Variants in IL23R observed in about 807,000 individuals in gnomAD.
IL23R encodes the protein interleukin-23 receptor.
In IL23R, 34 loss-of-function variants were observed where a neutral mutation model predicts 56.9. The ratio of observed to expected loss-of-function variants is 0.60; its 90% CI spans 0.45 to 0.80. The LOEUF is 0.80. Among genes scored for constraint, IL23R ranks in the 30% least tolerant of loss-of-function variants. The pLI is 0.00. For missense variants in IL23R, 635 were observed against 730.0 expected (o/e 0.87, Z 1.50); for synonymous variants, 230 against 249.2 (o/e 0.92, Z 0.73).
Position 67,258,829 on chromosome 1 carries a change from G to A in IL23R, c.1591G>A (p.Ala531Thr), listed in dbSNP as rs112114661. 9.5e-5 allele frequency: 153 copies of A among 1,612,446 alleles called. No homozygotes were observed. Among genetic ancestry groups the A allele is most frequent in the Non-Finnish European group, 1.3e-4 (148 of 1,178,894 alleles). ...NPRLQKHPNFAFSVSSVNSLS... is the reference protein window; with the variant it reads ...NPRLQKHPNFTFSVSSVNSLS... The stretch of plus-strand genomic sequence containing the variant: ...CAGGTTACAAAAGCATCCTAATTTT[G>A]CTTTTTCTGTTTCAAGTGTGAATTC... The change falls in exon 11 of 11, where the codon GCT becomes ACT. Residue 531 changes from alanine to threonine, a missense_variant. By Grantham distance (58) the Ala-to-Thr change is moderately conservative (BLOSUM62 0). Coordinates refer to ENST00000347310, the MANE Select transcript of IL23R (RefSeq NM_144701.3).
chr1:67,212,749 G>A (rs1026726750), intron 6 of IL23R, among the ~76,000 whole-genome samples: 9 of 152,228 alleles, frequency 5.9e-5, no homozygotes, highest in Non-Finnish European at 1.2e-4. Flanking sequence ...GTTGTGTCAT[G>A]TTGCCCAGGC....
At chr1:67,197,312 C>G (rs1648235299) in intron 4 of IL23R, among the ~76,000 whole-genome samples, 1 of 152,072 alleles carries the variant, frequency 6.6e-6, no homozygotes, top group Non-Finnish European at 1.5e-5. Flanking sequence ...TTTAAAAGAG[C>G]AGTTTCAAGG....
At chr1:67,170,784 CA>C (rs1646933462) in intron 3 of IL23R, among the ~76,000 whole-genome samples, 6 of 152,266 alleles carry the variant, frequency 3.9e-5, no homozygotes, top group African/African-American at 1.4e-4. Flanking sequence ...AGCTGGGGGG[CA>C]GACCCATATC....
chr1:67,185,281 T>C (rs1221997003), intron 4 of IL23R, among the ~76,000 whole-genome samples: 2 of 152,230 alleles, frequency 1.3e-5, no homozygotes, highest in Admixed American at 6.5e-5. Context: ...ATAGGTTGCC[T>C]GACTGTCTTC....
At chr1:67,162,485 A>G (rs541890386), upstream of IL23R, among the ~76,000 whole-genome samples, 7 of 152,090 alleles carry the variant, frequency 4.6e-5, no homozygotes, top group African/African-American at 1.7e-4. Context: ...AGAAAAAAAA[A>G]TCCCATTTAT....
At chr1:67,193,262 G>A (rs1423525177) in intron 4 of IL23R, among the ~76,000 whole-genome samples, 1 of 152,018 alleles carries the variant, frequency 6.6e-6, no homozygotes, top group Non-Finnish European at 1.5e-5. Context: ...TCTCAGAACT[G>A]CCTAACCTTT....
intron 1 of IL23R, among the ~76,000 whole-genome samples, chr1:67,160,303 C>T (rs1231632093): frequency 6.6e-6 from 1 of 152,094 alleles, no homozygotes; most frequent in African/African-American, 2.4e-5. Context: ...GTTGTATACA[C>T]CAGCAAAAAA....
chr1:67,148,173 A>G (rs565686102), intron 1 of IL23R, among the ~76,000 whole-genome samples: 3 of 152,380 alleles, frequency 2.0e-5, no homozygotes, highest in African/African-American at 7.2e-5. Flanking sequence ...TCAGAAACGC[A>G]GTGTACACCC....
chr1:67,163,253 G>A (rs1000935245), upstream of IL23R, among the ~76,000 whole-genome samples: 6 of 151,878 alleles, frequency 4.0e-5, no homozygotes, highest in Non-Finnish European at 8.8e-5. Flanking sequence ...CAGATCACTT[G>A]AGATTAGGAG....
intron 3 of IL23R, among the ~76,000 whole-genome samples, chr1:67,172,973 G>C (rs927296570): frequency 1.3e-5 from 2 of 152,126 alleles, no homozygotes; most frequent in Non-Finnish European, 2.9e-5. Flanking sequence ...GGAAATCACG[G>C]ACTGTTTTCA....
At chr1:67,139,210 G>C (rs1482334778) in intron 1 of IL23R, 2 of 152,148 alleles carry the variant, frequency 1.3e-5, no homozygotes, top group Non-Finnish European at 2.9e-5. Context: ...TTCTATAGAA[G>C]TAAGCCTAGA....
At chr1:67,191,008 T>G (rs2102602593) in intron 4 of IL23R, among the ~76,000 whole-genome samples, 1 of 152,332 alleles carries the variant, frequency 6.6e-6, no homozygotes, top group East Asian at 1.9e-4. Flanking sequence ...TAGTTTATAT[T>G]TTAGAATCCA....
At chr1:67,245,062 C>G (rs1382246290) in intron 9 of IL23R, among the ~76,000 whole-genome samples, 2 of 152,046 alleles carry the variant, frequency 1.3e-5, no homozygotes, top group African/African-American at 2.4e-5. Flanking sequence ...TTATTTTATT[C>G]TCTTTGTAGC....
chr1:67,259,191 C>T lies in IL23R; in HGVS notation c.*63C>T. 6 of 1,509,006 alleles carry T rather than the reference C, an allele frequency of 4.0e-6. No homozygotes were observed. In the Admixed American group the frequency reaches 1.0e-4, roughly 25 times the overall value. 93.5% of individuals were successfully genotyped at this position (1,509,006 alleles called of 1,614,324 possible). A position where few individuals can be genotyped will look rare whatever the true frequency, so the allele number is the denominator to read the frequency against. On this transcript the variant is annotated 3_prime_UTR_variant, in exon 11 of 11. Coordinates refer to ENST00000347310, the MANE Select transcript of IL23R (RefSeq NM_144701.3). ...GCAATCTGAACTTGGGTTTTCCCTG[C>T]AATAGAAATTGAATTCTGCCTCTTT...
chr1:67,158,732 A>G (rs892388879), intron 1 of IL23R, among the ~76,000 whole-genome samples: 2 of 152,052 alleles, frequency 1.3e-5, no homozygotes, highest in Non-Finnish European at 2.9e-5. Context: ...CCTCAAAAGT[A>G]GATAAGTATT....
intron 3 of IL23R, among the ~76,000 whole-genome samples, chr1:67,171,959 A>C (rs1265296072): frequency 6.6e-6 from 1 of 152,192 alleles, no homozygotes; most frequent in African/African-American, 2.4e-5. Context: ...GGACAGCCTA[A>C]TAGAAATACA....
chr1:67,246,446 T>C (rs1334681406), intron 9 of IL23R, among the ~76,000 whole-genome samples: 1 of 152,268 alleles, frequency 6.6e-6, no homozygotes, highest in East Asian at 1.9e-4. Flanking sequence ...GATGTGGGCA[T>C]TTAGTGCTAT....
At chr1:67,179,800 G>A (rs35625580) in intron 3 of IL23R, among the ~76,000 whole-genome samples, 2 of 152,108 alleles carry the variant, frequency 1.3e-5, no homozygotes, top group Non-Finnish European at 2.9e-5. Flanking sequence ...ATGTGTCCCA[G>A]AGATTCGGGT....
intron 3 of IL23R, among the ~76,000 whole-genome samples, 189 bp downstream of exon 3, chr1:67,169,827 C>A (rs1279522526): frequency 1.3e-5 from 2 of 152,174 alleles, no homozygotes; most frequent in Non-Finnish European, 2.9e-5. Flanking sequence ...AGCCACTGCC[C>A]AGATCCAGTA....
Sources: gnomAD v4.1 joint callset for allele counts (sites outside exome capture counted in the v4.1 genomes callset) on GRCh38, gnomAD v4.1.1 for gene constraint, MANE v1.5 for transcripts, NCBI Gene and HGNC (gene_info 2026-07-23, HGNC 2026-07-21) for gene names.